Variants in CNTNAP3B observed in about 807,000 individuals in gnomAD.
CNTNAP3B encodes the protein contactin-associated protein-like 3B.
In CNTNAP3B, 25 loss-of-function variants were observed where a neutral mutation model predicts 108.9. The ratio of observed to expected loss-of-function variants is 0.23; its 90% CI spans 0.17 to 0.32. The LOEUF is 0.32. Among genes scored for constraint, CNTNAP3B ranks in the 10% least tolerant of loss-of-function variants. CNTNAP3B has a pLI of 1.00. For missense variants in CNTNAP3B, 252 were observed against 1,210.4 expected, an observed-to-expected ratio of 0.21 and a Z score of 11.75; for synonymous variants, 103 against 473.4, an observed-to-expected ratio of 0.22 and a Z score of 10.16.
intron 14 of CNTNAP3B, among the ~76,000 whole-genome samples, chr9:41,933,370 C>T (rs1199396663): frequency 6.6e-6 from 1 of 152,268 alleles, no homozygotes; most frequent in African/African-American, 2.4e-5. Context: ...TCGAAATCAC[C>T]CCCGATTGAG....
intron 1 of CNTNAP3B, among the ~76,000 whole-genome samples, chr9:42,126,874 G>T (rs1212898859): frequency 7.2e-6 from 1 of 139,212 alleles, no homozygotes. Context: ...CCGGCCTAGA[G>T]AGCTCTTCCC....
intron 14 of CNTNAP3B, among the ~76,000 whole-genome samples, chr9:41,930,451 G>A (rs1352813382): frequency 6.6e-6 from 1 of 152,302 alleles, no homozygotes; most frequent in Non-Finnish European, 1.5e-5. Flanking sequence ...GCTGAGGTGG[G>A]AGGATCCCTT....
chr9:41,960,569 G>C (rs1223090467), intron 12 of CNTNAP3B, among the ~76,000 whole-genome samples: 5 of 152,386 alleles, frequency 3.3e-5, no homozygotes, highest in South Asian at 2.1e-4. Flanking sequence ...TGCCTTGGCA[G>C]AGCATTGAAT....
rs1487937537 is a variant in CNTNAP3B, at chr9:42,107,733, T to G, written c.86-2994A>C. The stretch of plus-strand genomic sequence containing the variant: ...GCTCACACCTGTAATCCCAACACTT[T>G]GGGAGACCAAGGCGGGTGGATCACA... On this transcript the variant is annotated intron_variant, in intron 1 of 23. Coordinates refer to ENST00000377561, the MANE Select transcript of CNTNAP3B (RefSeq NM_001201380.3). Among the ~76,000 whole-genome samples the G allele has an allele frequency of 3.6e-5, 5 of 138,162 alleles. 1 individual carries two copies. The highest frequency in any genetic ancestry group is 7.2e-5 in the Admixed American group (1 of 13,838). 90.6% of individuals were successfully genotyped at this position (138,162 alleles called of 152,430 possible). A position where few individuals can be genotyped will look rare whatever the true frequency, so the allele number is the denominator to read the frequency against.
In CNTNAP3B at chr9:42,012,076, C is replaced by T. The variant is rs1300084363; in HGVS notation, c.538+1302G>A. On this transcript the variant is annotated intron_variant, in intron 4 of 23. Transcript: ENST00000377561. ...GATCTTCCTGGTACCAACCTCCAGC[C>T]CAAGGAACTGGAGTAATATCTCTTC... Among the ~76,000 whole-genome samples, 2 of 98,932 alleles carry T rather than the reference C, an allele frequency of 2.0e-5. 1 individual carries two copies. Among genetic ancestry groups the T allele is most frequent in the Non-Finnish European group, 4.3e-5 (2 of 46,410 alleles). 64.9% of individuals were successfully genotyped at this position (98,932 alleles called of 152,430 possible). A position where few individuals can be genotyped will look rare whatever the true frequency, so the allele number is the denominator to read the frequency against.
At chr9:42,097,336 AG>A (rs1182604214) in intron 2 of CNTNAP3B, among the ~76,000 whole-genome samples, 3 of 140,136 alleles carry the variant, frequency 2.1e-5, no homozygotes, top group African/African-American at 8.5e-5. Flanking sequence ...CCGCCTGTTC[AG>A]TTGCCTGGGT....
chr9:42,115,820 G>A (rs1372174626), intron 1 of CNTNAP3B, among the ~76,000 whole-genome samples: 3 of 120,948 alleles, frequency 2.5e-5, no homozygotes, highest in African/African-American at 1.0e-4. Flanking sequence ...TCCTCCAAAG[G>A]AACACAACGC....
chr9:42,043,059 C>T (rs1350807771), intron 3 of CNTNAP3B, among the ~76,000 whole-genome samples: 1 of 148,862 alleles, frequency 6.7e-6, no homozygotes, highest in African/African-American at 2.5e-5. Context: ...AAGCCCTTTG[C>T]TCAGAGATGG....
intron 13 of CNTNAP3B, among the ~76,000 whole-genome samples, chr9:41,948,376 C>A (rs1324250814): frequency 6.6e-6 from 1 of 152,228 alleles, no homozygotes; most frequent in Non-Finnish European, 1.5e-5. Flanking sequence ...ACAGAGCCAC[C>A]CTGCCGGGCC....
At chr9:41,973,110 T>C (rs540327017) in intron 9 of CNTNAP3B, among the ~76,000 whole-genome samples, 6 of 141,572 alleles carry the variant, frequency 4.2e-5, no homozygotes, top group African/African-American at 8.3e-5. Context: ...GCTAATTTTT[T>C]TTTTTTGTAT....
intron 13 of CNTNAP3B, among the ~76,000 whole-genome samples, chr9:41,938,749 T>C (rs1824236331): frequency 6.6e-6 from 1 of 152,272 alleles, no homozygotes. Flanking sequence ...TAAAATCTAT[T>C]TGAAATTATG....
At chr9:42,033,053 G>GC (rs1019053612) in intron 3 of CNTNAP3B, among the ~76,000 whole-genome samples, 4 of 143,646 alleles carry the variant, frequency 2.8e-5, no homozygotes, top group African/African-American at 1.1e-4. Flanking sequence ...TGTCCATACA[G>GC]CACTCCATGT....
At chr9:41,943,518 A>G (rs1824428388) in intron 13 of CNTNAP3B, among the ~76,000 whole-genome samples, 1 of 151,954 alleles carries the variant, frequency 6.6e-6, no homozygotes, top group Non-Finnish European at 1.5e-5. Context: ...ACGCCCAGCT[A>G]ATTTTTTGTA....
intron 3 of CNTNAP3B, among the ~76,000 whole-genome samples, chr9:42,070,688 T>C (rs865864364): frequency 0.048 from 7,063 of 147,908 alleles, 25 homozygotes; most frequent in Middle Eastern, 0.1. Context: ...AGGTACCGAG[T>C]CAGTCCAGAC....
chr9:41,995,828 G>A (rs1825888350), intron 7 of CNTNAP3B, among the ~76,000 whole-genome samples: 1 of 138,724 alleles, frequency 7.2e-6, no homozygotes. Context: ...CTGAGGTCAG[G>A]AATTCGAGAC....
chr9:41,945,641 A>G (rs1824510469), intron 13 of CNTNAP3B, among the ~76,000 whole-genome samples: 2 of 152,308 alleles, frequency 1.3e-5, no homozygotes, highest in Admixed American at 1.3e-4. Flanking sequence ...GGGGAGGAAT[A>G]GCATTAGGAG....
intron 12 of CNTNAP3B, among the ~76,000 whole-genome samples, chr9:41,954,128 A>G (rs1824785347): frequency 1.3e-5 from 2 of 152,244 alleles, no homozygotes; most frequent in Admixed American, 6.5e-5. Context: ...CTTTAATTCT[A>G]CTATGCTGGT....
At position 42,062,660 on chromosome 9, in the gene CNTNAP3B, T is replaced by C. The variant is rs544561576; in HGVS notation, c.390+14209A>G. ...ACTACAGTCATTTAGTTCATTCTTTTCTGGCTTTGTTTCCTGACTACAGCC... is the reference window on the plus strand; with the variant it reads ...ACTACAGTCATTTAGTTCATTCTTTCCTGGCTTTGTTTCCTGACTACAGCC... On this transcript the variant is annotated intron_variant, in intron 3 of 23. Transcript: ENST00000377561. Among the ~76,000 whole-genome samples, 6 of 117,736 alleles carry C rather than the reference T, an allele frequency of 5.1e-5. No individual in the cohort carries two copies. The South Asian group carries it at 1.6e-3, about 32-fold the overall frequency. 77.2% of individuals were successfully genotyped at this position (117,736 alleles called of 152,430 possible).
intron 6 of CNTNAP3B, among the ~76,000 whole-genome samples, chr9:41,997,312 C>G (rs1489826101): frequency 7.1e-6 from 1 of 140,074 alleles, no homozygotes; most frequent in Non-Finnish European, 1.5e-5. Flanking sequence ...AATAACAATG[C>G]TTGCTACCTT....
Sources: gnomAD v4.1 joint callset for allele counts (sites outside exome capture counted in the v4.1 genomes callset) on GRCh38, gnomAD v4.1.1 for gene constraint, MANE v1.5 for transcripts, NCBI Gene and HGNC (gene_info 2026-07-23, HGNC 2026-07-21) for gene names.